ZC3H12B: variants seen among roughly 807,000 people sequenced by gnomAD.
The protein encoded by ZC3H12B is probable ribonuclease ZC3H12B.
In ZC3H12B, 7 loss-of-function variants were observed where a neutral mutation model predicts 43.9. The observed-to-expected ratio is 0.16, with a 90% CI of 0.09 to 0.30. ZC3H12B has a LOEUF of 0.30. Ranked by LOEUF, ZC3H12B falls within the 10% of genes least tolerant of loss-of-function variation. The pLI, the probability that ZC3H12B is intolerant of heterozygous loss-of-function variation, is 1.00. For missense variants in ZC3H12B, 475 were observed against 670.2 expected (o/e 0.71, Z 3.22); for synonymous variants, 222 against 241.7 (o/e 0.92, Z 0.76).
At chrX:65,115,988 G>T in the ZC3H12B span, among the ~76,000 whole-genome samples, 2 of 111,070 alleles carry the variant, frequency 1.8e-5, no homozygotes, top group African/African-American at 6.5e-5. Flanking sequence ...TTTTCTCCCA[G>T]TCTGTGGGTT....
rs58372328 is a variant in ZC3H12B, at chrX:65,472,825, G to GATATATATATATATAT, written n.408-15802_408-15787dup. ...ATACTGTTTTGATTACCATACCTTTGATATATATATATATATATATATATA... is the reference window on the plus strand; with the variant it reads ...ATACTGTTTTGATTACCATACCTTTGATATATATATATATATATATATATATATATATATATATATA... On this transcript the variant is annotated intron_variant and non_coding_transcript_variant, in intron 3 of 5. Coordinates refer to the ZC3H12B transcript ENST00000617377. 1.7e-3 allele frequency among the ~76,000 whole-genome samples: 54 copies of GATATATATATATATAT among 31,554 alleles called. 2 individuals carry two copies. The highest frequency in any genetic ancestry group is 9.7e-3 in the African/African-American group (45 of 4,658). 27.4% of individuals were successfully genotyped at this position (31,554 alleles called of 115,157 possible). A position where few individuals can be genotyped will look rare whatever the true frequency, so the allele number is the denominator to read the frequency against.
the ZC3H12B span, among the ~76,000 whole-genome samples, chrX:65,149,810 AAT>A: frequency 1.1e-4 from 11 of 95,855 alleles, no homozygotes; most frequent in South Asian, 4.4e-4. Flanking sequence ...TAATAATAAT[AAT>A]AATAAATAAA....
chrX:65,339,716 T>C, the ZC3H12B span, among the ~76,000 whole-genome samples: 8 of 111,231 alleles, frequency 7.2e-5, no homozygotes, highest in East Asian at 1.4e-3. Context: ...GATTTGCCTG[T>C]TTGCAGTGCT....
the ZC3H12B span, among the ~76,000 whole-genome samples, chrX:65,235,144 G>T: frequency 1.8e-4 from 20 of 111,590 alleles, no homozygotes; most frequent in East Asian, 4.5e-3. Context: ...GAATAGTGCT[G>T]CAATGAACAT....
the ZC3H12B span, among the ~76,000 whole-genome samples, chrX:65,119,350 T>A: frequency 1.8e-5 from 2 of 111,944 alleles, no homozygotes; most frequent in Non-Finnish European, 1.9e-5. Context: ...TTCTAACTGT[T>A]GTGAGATGGT....
chrX:65,207,600 T>G, the ZC3H12B span, among the ~76,000 whole-genome samples: 2 of 109,388 alleles, frequency 1.8e-5, no homozygotes, highest in Non-Finnish European at 1.9e-5. Flanking sequence ...TTTTGAGAAG[T>G]CAGGTAGTGT....
the ZC3H12B span, among the ~76,000 whole-genome samples, chrX:65,063,277 G>T: frequency 1.8e-5 from 2 of 111,904 alleles, no homozygotes; most frequent in Admixed American, 9.5e-5. Flanking sequence ...TGCCCATTCA[G>T]TATGATATTG....
At chrX:65,267,670 A>G in the ZC3H12B span, among the ~76,000 whole-genome samples, 4 of 111,753 alleles carry the variant, frequency 3.6e-5, no homozygotes, top group African/African-American at 3.2e-5. Flanking sequence ...TCTCTCCTGT[A>G]CAACCAGTAA....
chrX:65,150,041 T>C, the ZC3H12B span, among the ~76,000 whole-genome samples: 1 of 110,416 alleles, frequency 9.1e-6, no homozygotes, highest in South Asian at 3.8e-4. Context: ...TCTTTCTTCA[T>C]TTGAAACCCC....
the ZC3H12B span, among the ~76,000 whole-genome samples, chrX:65,089,007 C>G: frequency 9.0e-6 from 1 of 111,484 alleles, no homozygotes; most frequent in South Asian, 3.7e-4. Flanking sequence ...TAGAACAGTT[C>G]CTGGCATATT....
the ZC3H12B span, among the ~76,000 whole-genome samples, chrX:65,188,232 C>G: frequency 9.0e-6 from 1 of 111,243 alleles, no homozygotes; most frequent in African/African-American, 3.3e-5. Flanking sequence ...AGGTTGCTTC[C>G]ACATTTTGGC....
chrX:65,408,301 T>C, intron 3 of ZC3H12B: 1 of 1,185,704 alleles, frequency 8.4e-7, no homozygotes, highest in Non-Finnish European at 1.1e-6. Flanking sequence ...GATTAAACAT[T>C]GAAATGCACA....
At chrX:65,354,775 G>A in the ZC3H12B span, among the ~76,000 whole-genome samples, 1 of 112,054 alleles carries the variant, frequency 8.9e-6, no homozygotes, top group Admixed American at 9.4e-5. Context: ...TAAATGACCT[G>A]ATGGAGCTGA....
chrX:65,147,882 G>A, the ZC3H12B span, among the ~76,000 whole-genome samples: 23 of 110,694 alleles, frequency 2.1e-4, no homozygotes, highest in Non-Finnish European at 4.0e-4. Context: ...ATGGGGCTAT[G>A]GGGACTGGCC....
At chrX:65,072,195 G>C in the ZC3H12B span, among the ~76,000 whole-genome samples, 1 of 111,673 alleles carries the variant, frequency 9.0e-6, no homozygotes, top group Non-Finnish European at 1.9e-5. Flanking sequence ...ATTTCAGAAA[G>C]GCAGTCTTCA....
chrX:65,261,070 T>A, the ZC3H12B span, among the ~76,000 whole-genome samples: 1 of 112,040 alleles, frequency 8.9e-6, no homozygotes, highest in African/African-American at 3.2e-5. Flanking sequence ...AAATAAAACA[T>A]ATAAAGTAAA....
At chrX:65,351,505 G>A in the ZC3H12B span, among the ~76,000 whole-genome samples, 1 of 112,253 alleles carries the variant, frequency 8.9e-6, no homozygotes, top group African/African-American at 3.2e-5. Flanking sequence ...CACAGCAAAA[G>A]AAACTATCAT....
the ZC3H12B span, among the ~76,000 whole-genome samples, chrX:65,199,827 C>T: frequency 1.9e-5 from 2 of 107,020 alleles, no homozygotes; most frequent in Non-Finnish European, 3.8e-5. Context: ...ATATGAACCA[C>T]ATTTGCTTTA....
chrX:65,284,221 C>G, the ZC3H12B span, among the ~76,000 whole-genome samples: 2 of 90,908 alleles, frequency 2.2e-5, no homozygotes, highest in African/African-American at 9.5e-5. Context: ...ACCAGATGTA[C>G]AGATATCAAT....
Sources: allele counts gnomAD v4.1 joint callset (sites outside exome capture counted in the v4.1 genomes callset), GRCh38; gene constraint gnomAD v4.1.1; transcripts MANE v1.5; gene names NCBI Gene and HGNC (gene_info 2026-07-23, HGNC 2026-07-21).